UBE3A: variants seen among roughly 807,000 people sequenced by gnomAD.
UBE3A encodes the protein ubiquitin protein ligase E3A.
In UBE3A, 6 loss-of-function variants were observed where a neutral mutation model predicts 83.4. The observed-to-expected ratio is 0.07, with a 90% confidence interval of 0.04 to 0.14. The LOEUF is 0.14. Among genes scored for constraint, UBE3A ranks in the 10% least tolerant of loss-of-function variants. The pLI, the probability that UBE3A is intolerant of heterozygous loss-of-function variation, is 1.00. For synonymous variants in UBE3A, 337 were observed against 355.4 expected, an observed-to-expected ratio of 0.95 and a Z score of 0.58; for missense variants, 456 against 1,036.1, an observed-to-expected ratio of 0.44 and a Z score of 7.69.
intron 4 of UBE3A, among the ~76,000 whole-genome samples, chr15:25,397,628 A>G (rs1253885904): frequency 1.3e-5 from 2 of 152,180 alleles, no homozygotes; most frequent in Non-Finnish European, 2.9e-5. Context: ...TAAGTCCACC[A>G]TTATTCTTCT....
At chr15:25,343,833 T>A (rs1172110797) in intron 11 of UBE3A, among the ~76,000 whole-genome samples, 1 of 152,120 alleles carries the variant, frequency 6.6e-6, no homozygotes, top group Non-Finnish European at 1.5e-5. Flanking sequence ...TATATAAAAC[T>A]ATAAACAGCT....
chr15:25,359,781 C>A (rs1400349855), intron 7 of UBE3A, among the ~76,000 whole-genome samples: 1 of 152,106 alleles, frequency 6.6e-6, no homozygotes, highest in Non-Finnish European at 1.5e-5. Flanking sequence ...AATTCTGATC[C>A]TTCACTTTCA....
At chr15:25,340,892 T>A (rs1009973081) in intron 11 of UBE3A, among the ~76,000 whole-genome samples, 1 of 152,182 alleles carries the variant, frequency 6.6e-6, no homozygotes, top group African/African-American at 2.4e-5. Context: ...GCAGTTATTT[T>A]AAGAGAATGA....
intron 4 of UBE3A, 61 bp from the exon 5 acceptor site, chr15:25,375,824 A>C: frequency 8.2e-6 from 13 of 1,587,016 alleles, no homozygotes; most frequent in African/African-American, 1.4e-5. Flanking sequence ...TACAAAGCTC[A>C]ACATATCATC....
intron 4 of UBE3A, among the ~76,000 whole-genome samples, chr15:25,398,816 A>AAATAC (rs2086374698): frequency 2.0e-4 from 8 of 40,822 alleles, no homozygotes; most frequent in Admixed American, 7.8e-4. Flanking sequence ...TATATATATA[A>AAATAC]AAATACATAT....
At chr15:25,387,293 G>A (rs556657122) in intron 4 of UBE3A, among the ~76,000 whole-genome samples, 58 of 152,144 alleles carry the variant, frequency 3.8e-4, no homozygotes, top group Middle Eastern at 3.4e-3. Context: ...AGGCTGAGGC[G>A]GGTGGATCAC....
At chr15:25,395,918 G>C (rs1171139836) in intron 4 of UBE3A, among the ~76,000 whole-genome samples, 2 of 152,150 alleles carry the variant, frequency 1.3e-5, no homozygotes, top group Non-Finnish European at 2.9e-5. Context: ...TAAAAAATCT[G>C]ATCTGGTTGG....
At chr15:25,348,831 G>A (rs146693575) in intron 11 of UBE3A, among the ~76,000 whole-genome samples, 4 of 152,288 alleles carry the variant, frequency 2.6e-5, no homozygotes, top group Non-Finnish European at 4.4e-5. Context: ...ATGGAGAGAC[G>A]TACGGTGTTC....
intron 6 of UBE3A, among the ~76,000 whole-genome samples, chr15:25,364,977 T>C (rs1423742512): frequency 6.6e-6 from 1 of 152,096 alleles, no homozygotes; most frequent in African/African-American, 2.4e-5. Context: ...GTACAGTGTA[T>C]GTTGTATTTA....
At chr15:25,385,787 T>A (rs2083015838) in intron 4 of UBE3A, among the ~76,000 whole-genome samples, 1 of 151,966 alleles carries the variant, frequency 6.6e-6, no homozygotes, top group East Asian at 1.9e-4. Flanking sequence ...TCCTGAAGTG[T>A]AATAGACAAA....
At chr15:25,434,326 C>T (rs116642502) in intron 1 of UBE3A, among the ~76,000 whole-genome samples, 2,624 of 152,190 alleles carry the variant, frequency 0.017, 77 homozygotes, top group African/African-American at 0.059. Flanking sequence ...TGCCTGTAAT[C>T]CCAACACACT....
At chr15:25,412,151 G>GT (rs2090117149) in intron 1 of UBE3A, among the ~76,000 whole-genome samples, 180 bp from the exon 2 acceptor site, 1 of 152,042 alleles carries the variant, frequency 6.6e-6, no homozygotes, top group Non-Finnish European at 1.5e-5. Flanking sequence ...TAGGTAGGCA[G>GT]GCCCTGTGGC....
chr15:25,388,997 C>T (rs148320647), intron 4 of UBE3A, among the ~76,000 whole-genome samples: 9 of 152,188 alleles, frequency 5.9e-5, no homozygotes, highest in Non-Finnish European at 1.2e-4. Context: ...TATTCCATGA[C>T]CCGTGAGAGA....
intron 1 of UBE3A, among the ~76,000 whole-genome samples, chr15:25,419,689 T>C (rs955296936): frequency 6.6e-6 from 1 of 152,144 alleles, no homozygotes; most frequent in African/African-American, 2.4e-5. Context: ...AGAAATAGTT[T>C]CAAACGCTGC....
intron 4 of UBE3A, among the ~76,000 whole-genome samples, chr15:25,382,187 G>T (rs1176772028): frequency 1.3e-5 from 2 of 152,000 alleles, no homozygotes. Flanking sequence ...TGGGCGCCGT[G>T]GTGGGCGCCT....
rs1369859568 is a variant in UBE3A at position 25,337,906 on chromosome 15, A to AGT, written c.*1229_*1230dup. 1 of 152,212 alleles carries AGT rather than the reference A, an allele frequency of 6.6e-6. No individual in the cohort carries two copies. 9.4% of individuals were successfully genotyped at this position (152,212 alleles called of 1,614,324 possible). On this transcript the variant is annotated 3_prime_UTR_variant, in exon 13 of 13. Transcript: ENST00000648336. ...TGTAAACCTACTTGTACTTTTCCAT[A>AGT]GTACATGAAAGTAACGTTTAACATG... is the stretch of plus-strand genomic sequence containing the variant.
chr15:25,381,314 G>A (rs531444702), intron 4 of UBE3A, among the ~76,000 whole-genome samples: 17 of 152,226 alleles, frequency 1.1e-4, no homozygotes, highest in African/African-American at 4.1e-4. Context: ...TATAAGCAAT[G>A]AATACAAGCA....
At position 25,398,808 on chromosome 15, in the gene UBE3A, TATATATAAAA is replaced by T. The variant is rs1412368008; in HGVS notation, c.62+6643_62+6652del. Among the ~76,000 whole-genome samples, 9 of 73,222 alleles carry T rather than the reference TATATATAAAA, an allele frequency of 1.2e-4. No homozygotes were observed. In the South Asian group the frequency reaches 1.8e-3, roughly 15 times the overall value. The allele number at this position is 73,222 out of a possible 152,430, so 48.0% of individuals were successfully genotyped here. The stretch of plus-strand genomic sequence containing the variant: ...ATATATATATATATATATATATATA[TATATATAAAA>T]ATACATATATATCCAAGTGTGACTG... On this transcript the variant is annotated intron_variant, in intron 4 of 12. Transcript: ENST00000648336.
rs371016084 is a variant in UBE3A at position 25,408,229 on chromosome 15, A to G, written c.20+859T>C. ...GTGAGACCTTGTCTTGGAAACAAACATAAACTATGAAATATATACCACCTA... is the reference window on the plus strand; with the variant it reads ...GTGAGACCTTGTCTTGGAAACAAACGTAAACTATGAAATATATACCACCTA... On this transcript the variant is annotated intron_variant, in intron 3 of 12. Transcript: ENST00000648336. 1.4e-4 allele frequency: 30 copies of G among 215,110 alleles called. No homozygotes were observed. The East Asian group carries it at 1.7e-3, about 12-fold the overall frequency. 13.3% of individuals were successfully genotyped at this position (215,110 alleles called of 1,614,324 possible).
Sources: gnomAD v4.1 joint callset for allele counts (sites outside exome capture counted in the v4.1 genomes callset) on GRCh38, gnomAD v4.1.1 for gene constraint, MANE v1.5 for transcripts, NCBI Gene and HGNC (gene_info 2026-07-23, HGNC 2026-07-21) for gene names.